VAV2: variants seen among roughly 807,000 people sequenced by gnomAD.
VAV2 encodes the protein vav guanine nucleotide exchange factor 2, also known as guanine nucleotide exchange factor VAV2.
In VAV2, 67 loss-of-function variants were observed where a neutral mutation model predicts 132.5. That is an observed-to-expected ratio of 0.51 (90% CI 0.42 to 0.62). The LOEUF is 0.62. Among genes scored for constraint, VAV2 ranks in the 20% least tolerant of loss-of-function variants. VAV2 has a pLI of 0.00. For synonymous variants in VAV2, 492 were observed against 443.5 expected (o/e 1.11, Z -1.37); for missense variants, 938 against 1,153.6 (o/e 0.81, Z 2.71).
chr9:133,887,515 C>A (rs946136731), intron 2 of VAV2, among the ~76,000 whole-genome samples: 2 of 141,410 alleles, frequency 1.4e-5, no homozygotes, highest in South Asian at 5.3e-4. Flanking sequence ...AATGTAACTT[C>A]TTAACCATTT....
chr9:133,976,547 T>C (rs1250356842), intron 1 of VAV2, among the ~76,000 whole-genome samples: 1 of 152,260 alleles, frequency 6.6e-6, no homozygotes, highest in Admixed American at 6.5e-5. Flanking sequence ...TTATTTTAAT[T>C]GTGGTAAAGT....
At position 133,919,760 on chromosome 9, in the gene VAV2, C is replaced by A. The variant is rs1840227110; in HGVS notation, c.321+19343G>T. On this transcript the variant is annotated intron_variant, in intron 2 of 29. Transcript: ENST00000371850. The surrounding 1 kb of genome is among the most constrained non-coding windows in gnomAD (Gnocchi z 5.8). ...TCTCAGGGGAGCAACACAAACAGCG[C>A]ATTCTTGGCATCCGTGAGGCAGAGA... 6.6e-6 allele frequency among the ~76,000 whole-genome samples: 1 copy of A among 152,182 alleles called. No individual in the cohort carries two copies. The highest frequency in any genetic ancestry group is 1.5e-5 in the Non-Finnish European group (1 of 68,024).
At chr9:133,901,973 C>T (rs971389135) in intron 2 of VAV2, among the ~76,000 whole-genome samples, 2 of 152,168 alleles carry the variant, frequency 1.3e-5, no homozygotes, top group African/African-American at 2.4e-5. Flanking sequence ...ACATCTCTGC[C>T]TGCCTTAGTG....
At chr9:133,806,295 C>T (rs1482927426) in intron 8 of VAV2, 114 bp from the exon 9 acceptor site, 21 of 981,442 alleles carry the variant, frequency 2.1e-5, no homozygotes, top group Non-Finnish European at 2.9e-5. Flanking sequence ...GGGAGGGGCC[C>T]GGGTGCTGGG....
rs374331737 is a variant in VAV2 at position 133,857,693 on chromosome 9, G to A, written c.380+3681C>T. Among the ~76,000 whole-genome samples, 8 of 152,224 alleles carry A rather than the reference G, an allele frequency of 5.3e-5. No individual in the cohort carries two copies. Among genetic ancestry groups the A allele is most frequent in the South Asian group, 2.1e-4 (1 of 4,834 alleles). ...TCCCCATGGAAATCCCAGCCCATCC[G>A]GAGCAAGGTGGGACATTGCTCAGAC... On this transcript the variant is annotated intron_variant, in intron 3 of 29. Coordinates refer to ENST00000371850, the MANE Select transcript of VAV2 (RefSeq NM_001134398.2). The surrounding 1 kb of genome is among the most constrained non-coding windows in gnomAD (Gnocchi z 4.0).
intron 7 of VAV2, among the ~76,000 whole-genome samples, chr9:133,808,832 G>A (rs1024123965): frequency 6.6e-6 from 1 of 152,234 alleles, no homozygotes; most frequent in Non-Finnish European, 1.5e-5. Context: ...CGCAGGCCGG[G>A]ACTTCAGGGG....
At chr9:133,852,902 T>C (rs1837241410) in intron 3 of VAV2, among the ~76,000 whole-genome samples, 1 of 152,164 alleles carries the variant, frequency 6.6e-6, no homozygotes, top group Admixed American at 6.5e-5. Context: ...GTGCTACACA[T>C]AGACTCACCC....
At chr9:133,981,081 G>A (rs929220339) in intron 1 of VAV2, among the ~76,000 whole-genome samples, 2 of 152,310 alleles carry the variant, frequency 1.3e-5, no homozygotes, top group East Asian at 3.9e-4. Flanking sequence ...TCTTCGCCCA[G>A]TCAAACCCAG....
Position 133,919,073 on chromosome 9 carries a change from G to A in VAV2, c.321+20030C>T, listed in dbSNP as rs553387857. ...CAGGTGAGAGCTACCACCCCCGGCCGCCACCATGTTTTTAAAGACTTCCCC... is the reference window on the plus strand; with the variant it reads ...CAGGTGAGAGCTACCACCCCCGGCCACCACCATGTTTTTAAAGACTTCCCC... On this transcript the variant is annotated intron_variant, in intron 2 of 29. Coordinates refer to ENST00000371850, the MANE Select transcript of VAV2 (RefSeq NM_001134398.2). The surrounding 1 kb of genome is among the most constrained non-coding windows in gnomAD (Gnocchi z 5.8). 1.4e-3 allele frequency among the ~76,000 whole-genome samples: 218 copies of A among 152,016 alleles called. No homozygotes were observed. The highest frequency in any genetic ancestry group is 2.1e-3 in the Non-Finnish European group (140 of 67,948).
intron 3 of VAV2, among the ~76,000 whole-genome samples, chr9:133,847,789 C>T (rs1588262899): frequency 6.6e-6 from 1 of 152,296 alleles, no homozygotes; most frequent in East Asian, 1.9e-4. Flanking sequence ...GAGCTGACGC[C>T]TGGGAGGTGC....
At chr9:133,790,258 C>T (rs1320647893) in intron 13 of VAV2, among the ~76,000 whole-genome samples, 1 of 152,196 alleles carries the variant, frequency 6.6e-6, no homozygotes, top group African/African-American at 2.4e-5. Flanking sequence ...CTCACTGCAA[C>T]CTCTGCCTCC....
intron 1 of VAV2, among the ~76,000 whole-genome samples, chr9:133,988,252 G>A (rs1024903986): frequency 6.6e-6 from 1 of 151,784 alleles, no homozygotes; most frequent in African/African-American, 2.4e-5. Context: ...GCCACCCCAT[G>A]AAAAGAGACA....
At chr9:133,939,497 A>G (rs1167072066) in intron 1 of VAV2, among the ~76,000 whole-genome samples, 1 of 152,122 alleles carries the variant, frequency 6.6e-6, no homozygotes, top group Non-Finnish European at 1.5e-5. Flanking sequence ...TTCTCATCAC[A>G]TAGCTGCAAA....
At chr9:133,898,379 A>G (rs1196055597) in intron 2 of VAV2, among the ~76,000 whole-genome samples, 2 of 152,076 alleles carry the variant, frequency 1.3e-5, no homozygotes, top group Non-Finnish European at 2.9e-5. Context: ...ACCTGACATC[A>G]GGAGTTCAAG....
intron 4 of VAV2, among the ~76,000 whole-genome samples, chr9:133,821,215 C>T (rs1835774394): frequency 6.6e-6 from 1 of 152,226 alleles, no homozygotes. Flanking sequence ...AGAGGCTATA[C>T]TTCGTGGAAA....
chr9:133,882,234 G>C (rs1044947336), intron 2 of VAV2, among the ~76,000 whole-genome samples: 1 of 152,248 alleles, frequency 6.6e-6, no homozygotes, highest in Non-Finnish European at 1.5e-5. Context: ...GCTGGGTCCA[G>C]ACTGAACCCT....
chr9:133,902,219 T>C (rs1436447167), intron 2 of VAV2, among the ~76,000 whole-genome samples: 2 of 152,178 alleles, frequency 1.3e-5, no homozygotes, highest in East Asian at 3.8e-4. Context: ...GGAACGGGCA[T>C]CTGCGTCGGA....
chr9:133,803,086 G>C (rs192025372), intron 9 of VAV2, among the ~76,000 whole-genome samples: 1 of 152,178 alleles, frequency 6.6e-6, no homozygotes, highest in African/African-American at 2.4e-5. Flanking sequence ...CTTGGGCTTC[G>C]GGTAGGAACC....
At chr9:133,815,790 G>A (rs1195812504) in intron 4 of VAV2, among the ~76,000 whole-genome samples, 2 of 152,176 alleles carry the variant, frequency 1.3e-5, no homozygotes, top group Non-Finnish European at 2.9e-5. Flanking sequence ...GCGTGTGTAT[G>A]CACGCACGCC....
Sources: allele counts gnomAD v4.1 joint callset (sites outside exome capture counted in the v4.1 genomes callset), GRCh38; gene constraint gnomAD v4.1.1; non-coding constraint Gnocchi (gnomAD v3.1); transcripts MANE v1.5; gene names NCBI Gene and HGNC (gene_info 2026-07-23, HGNC 2026-07-21).